SLC25A20: variants seen among roughly 807,000 people sequenced by gnomAD.
SLC25A20 encodes mitochondrial carnitine/acylcarnitine carrier protein.
A neutral mutation model predicts 39.7 loss-of-function variants in SLC25A20; 29 were observed. The observed-to-expected ratio is 0.73, with a 90% confidence interval of 0.54 to 1.00. SLC25A20 has a LOEUF of 1.00. Among genes scored for constraint, SLC25A20 ranks in the 50% least tolerant of loss-of-function variants. SLC25A20 has a pLI of 0.00. For synonymous variants in SLC25A20, 103 were observed against 142.2 expected (o/e 0.72, Z 1.96); for missense variants, 333 against 379.9 (o/e 0.88, Z 1.03).
At chr3:48,894,720 G>C (rs1376721361) in intron 1 of SLC25A20, among the ~76,000 whole-genome samples, 1 of 152,062 alleles carries the variant, frequency 6.6e-6, no homozygotes, top group Non-Finnish European at 1.5e-5. Context: ...TAAACTCCTG[G>C]GCTCAAGTGA....
intron 4 of SLC25A20, among the ~76,000 whole-genome samples, chr3:48,869,425 A>G (rs1217176937): frequency 1.3e-5 from 2 of 152,268 alleles, no homozygotes; most frequent in East Asian, 3.9e-4. Flanking sequence ...AGGCAGCTGG[A>G]TCACGAGGTC....
chr3:48,877,275 A>G (rs2083765586), intron 4 of SLC25A20, among the ~76,000 whole-genome samples: 1 of 151,948 alleles, frequency 6.6e-6, no homozygotes, highest in African/African-American at 2.4e-5. Context: ...TTAGCAGAGC[A>G]TGGTGGCGCA....
At chr3:48,873,968 C>CAAAAA (rs11316117) in intron 4 of SLC25A20, among the ~76,000 whole-genome samples, 9 of 41,064 alleles carry the variant, frequency 2.2e-4, no homozygotes, top group Admixed American at 4.2e-4. Context: ...GACTCCATCT[C>CAAAAA]AAAAAAAAAA....
chr3:48,874,932 C>A (rs748384792), intron 4 of SLC25A20, among the ~76,000 whole-genome samples: 4 of 150,736 alleles, frequency 2.7e-5, no homozygotes, highest in Non-Finnish European at 5.9e-5. Flanking sequence ...GCCAGGCTTG[C>A]GGGTGCATGC....
chr3:48,898,286 G>A (rs2083924223), intron 1 of SLC25A20, among the ~76,000 whole-genome samples: 1 of 152,324 alleles, frequency 6.6e-6, no homozygotes, highest in East Asian at 1.9e-4. Context: ...CAGAACAACC[G>A]TACCGCTCTG....
At chr3:48,878,490 A>T (rs1210531943) in intron 4 of SLC25A20, among the ~76,000 whole-genome samples, 1 of 150,232 alleles carries the variant, frequency 6.7e-6, no homozygotes, top group African/African-American at 2.4e-5. Flanking sequence ...CACACCACCA[A>T]GTCCAGCTAA....
chr3:48,887,470 T>G (rs2083838075), intron 2 of SLC25A20, among the ~76,000 whole-genome samples: 1 of 152,122 alleles, frequency 6.6e-6, no homozygotes, highest in African/African-American at 2.4e-5. Context: ...CAATAACGTC[T>G]AATGACCAAG....
chr3:48,859,759 G>A (rs756052375), intron 5 of SLC25A20, 132 bp from the exon 6 acceptor site: 124 of 726,126 alleles, frequency 1.7e-4, no homozygotes, highest in Non-Finnish European at 2.7e-4. Flanking sequence ...GTCCGCGCTT[G>A]GCCTGAATTA....
chr3:48,884,893 T>G (rs1236953957), intron 2 of SLC25A20, among the ~76,000 whole-genome samples: 1 of 99,366 alleles, frequency 1.0e-5, no homozygotes, highest in Non-Finnish European at 2.2e-5. Context: ...GATTATTAAG[T>G]AAAAAAAAAA....
intron 1 of SLC25A20, among the ~76,000 whole-genome samples, chr3:48,895,104 G>C (rs187443482): frequency 3.0e-4 from 45 of 152,336 alleles, no homozygotes; most frequent in South Asian, 6.2e-4. Flanking sequence ...TGCCTCCTGG[G>C]TTCAAGCGAT....
intron 4 of SLC25A20, among the ~76,000 whole-genome samples, chr3:48,873,608 T>TA (rs890593896): frequency 2.8e-5 from 4 of 143,324 alleles, no homozygotes; most frequent in African/African-American, 5.2e-5. Flanking sequence ...GATAATGCCT[T>TA]AAAAAAAACA....
chr3:48,888,161 C>T (rs1263010340), intron 2 of SLC25A20, among the ~76,000 whole-genome samples: 4 of 126,512 alleles, frequency 3.2e-5, no homozygotes, highest in Admixed American at 8.6e-5. Flanking sequence ...GAGCCAAGAT[C>T]GGACCACTGC....
intron 2 of SLC25A20, among the ~76,000 whole-genome samples, chr3:48,886,740 G>A (rs945203084): frequency 1.3e-5 from 2 of 152,098 alleles, no homozygotes; most frequent in Non-Finnish European, 2.9e-5. Context: ...CAGGTACGCA[G>A]GAGGCTGAGA....
At chr3:48,881,715 A>C (rs1192230361) in intron 3 of SLC25A20, among the ~76,000 whole-genome samples, 1 of 152,092 alleles carries the variant, frequency 6.6e-6, no homozygotes, top group Admixed American at 6.6e-5. Context: ...CATAGTCCAA[A>C]GTACCAGAAG....
intron 5 of SLC25A20, among the ~76,000 whole-genome samples, chr3:48,860,551 G>A (rs1156257011): frequency 6.6e-6 from 1 of 151,864 alleles, no homozygotes; most frequent in East Asian, 1.9e-4. Context: ...GTTGCAGTAA[G>A]CTGAGATCGA....
intron 4 of SLC25A20, among the ~76,000 whole-genome samples, chr3:48,869,134 G>A (rs2083693296): frequency 6.6e-6 from 1 of 151,990 alleles, no homozygotes. Flanking sequence ...CTTCCTGCTG[G>A]AGCAGTATCA....
At chr3:48,869,185 T>C (rs777142031) in intron 4 of SLC25A20, among the ~76,000 whole-genome samples, 9 of 152,144 alleles carry the variant, frequency 5.9e-5, no homozygotes, top group East Asian at 1.9e-4. Flanking sequence ...CAGGTTGCAA[T>C]TGAAAAATCA....
rs777532347 is a variant in SLC25A20, at chr3:48,892,083, A to G, written c.106-11T>C. 9 of 1,611,028 alleles carry G rather than the reference A, an allele frequency of 5.6e-6. No individual in the cohort carries two copies. In the African/African-American group the frequency reaches 1.2e-4, roughly 22 times the overall value. Reference sequence around the variant, plus strand: ...TGTCTGCAGTCGGACCTGAAAACAGAAGTTAAAATGCAGTCACCTACCAGA... The same window carrying G: ...TGTCTGCAGTCGGACCTGAAAACAGGAGTTAAAATGCAGTCACCTACCAGA... On this transcript the variant is annotated splice_polypyrimidine_tract_variant and intron_variant, in intron 1 of 8. Transcript: ENST00000319017.
chr3:48,859,898 A>T (rs1227161565), intron 5 of SLC25A20, among the ~76,000 whole-genome samples: 1 of 152,180 alleles, frequency 6.6e-6, no homozygotes, highest in Non-Finnish European at 1.5e-5. Flanking sequence ...CAGGCATGGT[A>T]GCTCATAACT....
Sources: allele counts gnomAD v4.1 joint callset (sites outside exome capture counted in the v4.1 genomes callset), GRCh38; gene constraint gnomAD v4.1.1; transcripts MANE v1.5; gene names NCBI Gene and HGNC (gene_info 2026-07-23, HGNC 2026-07-21).